Variants in FBXO34 observed in about 807,000 individuals in gnomAD.
The protein encoded by FBXO34 is F-box only protein 34.
A neutral mutation model predicts 24.5 loss-of-function variants in FBXO34; 12 were observed. The observed-to-expected ratio is 0.49, with a 90% CI of 0.31 to 0.79. The LOEUF is 0.79. FBXO34 is among the 30% of genes least tolerant of loss of function. FBXO34 has a pLI of 0.04. For missense variants in FBXO34, 823 were observed against 857.7 expected, an observed-to-expected ratio of 0.96 and a Z score of 0.51; for synonymous variants, 320 against 311.9, an observed-to-expected ratio of 1.03 and a Z score of -0.27.
chr14:55,294,198 T>C (rs912458842), intron 1 of FBXO34, among the ~76,000 whole-genome samples: 1 of 152,166 alleles, frequency 6.6e-6, no homozygotes, highest in Non-Finnish European at 1.5e-5. Context: ...AATTTACTTA[T>C]TATGACTATT....
chr14:55,440,636 G>T, the FBXO34 span: 2 of 1,386,518 alleles, frequency 1.4e-6, no homozygotes, highest in South Asian at 1.5e-5. Context: ...GGCTTGGAGC[G>T]GGATGCGGAA....
downstream of FBXO34, among the ~76,000 whole-genome samples, chr14:55,358,452 C>T (rs1311507718): frequency 6.6e-6 from 1 of 152,202 alleles, no homozygotes; most frequent in Non-Finnish European, 1.5e-5. Context: ...CCAGCATCCT[C>T]CCACCCTCTG....
rs753386438 is a variant in FBXO34, at chr14:55,350,989, A to G, written c.599A>G (p.Tyr200Cys). ...GTGAGTGACAGTGGGGATGGAGTCT[A>G]TGCTGGGAGGCCTCTGTCAGTTATA... Reference protein sequence around the residue: ...HYVSDSGDGVYAGRPLSVIQM... With the variant: ...HYVSDSGDGVCAGRPLSVIQM... The change falls in exon 2 of 2, where the codon TAT becomes TGT. Residue 200 changes from tyrosine to cysteine, a missense_variant. Physicochemically the swap from Tyr to Cys is radical, Grantham distance 194. Around this residue, in one of 2 missense-constraint regions of FBXO34, gnomAD observed 693 missense variants for 659.1 expected, o/e 1.05. Transcript: ENST00000313833. The G allele has an allele frequency of 6.2e-7, 1 of 1,614,200 alleles. No homozygotes were observed. Among genetic ancestry groups the G allele is most frequent in the Non-Finnish European group, 8.5e-7 (1 of 1,180,028 alleles).
At chr14:55,348,554 T>C (rs1051923672) in intron 1 of FBXO34, among the ~76,000 whole-genome samples, 2 of 151,578 alleles carry the variant, frequency 1.3e-5, no homozygotes, top group Non-Finnish European at 2.9e-5. Flanking sequence ...TGTTTTCAGA[T>C]ACCAGTTTTA....
At chr14:55,323,754 C>T (rs1034558972) in intron 1 of FBXO34, among the ~76,000 whole-genome samples, 2 of 152,142 alleles carry the variant, frequency 1.3e-5, no homozygotes, top group South Asian at 4.1e-4. Flanking sequence ...ATTCAAACAT[C>T]TTGCATTTCC....
At chr14:55,398,722 G>A in the FBXO34 span, among the ~76,000 whole-genome samples, 1,060 of 152,132 alleles carry the variant, frequency 7.0e-3, 9 homozygotes, top group African/African-American at 0.024. Context: ...TTGAAATAAC[G>A]TGTATTCTAC....
At chr14:55,272,490 AAG>A (rs1357210032) in intron 1 of FBXO34, among the ~76,000 whole-genome samples, 2 of 151,956 alleles carry the variant, frequency 1.3e-5, no homozygotes, top group African/African-American at 2.4e-5. Context: ...ACTGAAAAAA[AAG>A]AGAACCACTT....
intron 1 of FBXO34, among the ~76,000 whole-genome samples, chr14:55,313,868 G>C (rs1882835757): frequency 6.6e-6 from 1 of 152,106 alleles, no homozygotes; most frequent in South Asian, 2.1e-4. Context: ...ATGAGATTTG[G>C]CTGGGGACAC....
At chr14:55,410,055 A>C in the FBXO34 span, among the ~76,000 whole-genome samples, 1 of 152,192 alleles carries the variant, frequency 6.6e-6, no homozygotes, top group African/African-American at 2.4e-5. Context: ...AGTTGGGTTA[A>C]GAGAGGAGTC....
At chr14:55,301,648 A>G (rs1882360428) in intron 1 of FBXO34, among the ~76,000 whole-genome samples, 2 of 152,258 alleles carry the variant, frequency 1.3e-5, no homozygotes, top group African/African-American at 4.8e-5. Context: ...CTTTTCTATA[A>G]GTATGTCCAT....
chr14:55,339,535 A>G (rs1883920762), intron 1 of FBXO34: 1 of 152,174 alleles, frequency 6.6e-6, no homozygotes, highest in South Asian at 2.1e-4. Flanking sequence ...ATAATACACA[A>G]CAATGAAGAT....
intron 1 of FBXO34, among the ~76,000 whole-genome samples, chr14:55,283,069 G>A (rs1362479118): frequency 6.6e-6 from 1 of 152,128 alleles, no homozygotes; most frequent in Non-Finnish European, 1.5e-5. Flanking sequence ...GGTTTCTCTT[G>A]TTCAGGCTGT....
At chr14:55,385,703 G>A in the FBXO34 span, among the ~76,000 whole-genome samples, 6 of 152,268 alleles carry the variant, frequency 3.9e-5, no homozygotes, top group Admixed American at 2.6e-4. Context: ...AGCTTTCTGC[G>A]GTGCGTACTG....
Position 55,351,027 on chromosome 14 carries a change from T to G in FBXO34, c.637T>G (p.Phe213Val), listed in dbSNP as rs1234794196. The G allele has an allele frequency of 1.2e-6, 2 of 1,614,186 alleles. No individual in the cohort carries two copies. The highest frequency in any genetic ancestry group is 1.1e-5 in the South Asian group (1 of 91,086). ...RPLSVIQMVAFLEQRASALLA... is the reference protein window; with the variant it reads ...RPLSVIQMVAVLEQRASALLA... ...TCTGTCAGTTATACAGATGGTTGCC[T>G]TCTTGGAGCAAAGAGCCAGTGCTCT... Residue 213 changes from phenylalanine (F) to valine (V), a missense_variant, in exon 2 of 2, where the codon TTC becomes GTC. Physicochemically the swap from Phe to Val is conservative, Grantham distance 50. Coordinates refer to ENST00000313833, the MANE Select transcript of FBXO34 (RefSeq NM_017943.4).
chr14:55,305,655 C>T (rs1882517829), intron 1 of FBXO34, among the ~76,000 whole-genome samples: 1 of 149,108 alleles, frequency 6.7e-6, no homozygotes, highest in Non-Finnish European at 1.5e-5. Flanking sequence ...GATCGTGCCA[C>T]TGCACTCCTC....
chr14:55,432,031 C>A, the FBXO34 span, among the ~76,000 whole-genome samples: 1 of 151,884 alleles, frequency 6.6e-6, no homozygotes, highest in Non-Finnish European at 1.5e-5. Flanking sequence ...TGCACAAATG[C>A]CTTAAGGGCA....
At chr14:55,316,436 A>T (rs1013216636) in intron 1 of FBXO34, among the ~76,000 whole-genome samples, 3 of 151,768 alleles carry the variant, frequency 2.0e-5, no homozygotes, top group Non-Finnish European at 4.4e-5. Flanking sequence ...AAATAAAAAA[A>T]AAAAAATTAG....
At chr14:55,329,343 A>C (rs1178749768) in intron 1 of FBXO34, among the ~76,000 whole-genome samples, 2 of 152,130 alleles carry the variant, frequency 1.3e-5, no homozygotes, top group Non-Finnish European at 2.9e-5. Flanking sequence ...GAGATCAGAC[A>C]TCTTTAGAAG....
downstream of FBXO34, among the ~76,000 whole-genome samples, chr14:55,363,207 T>TA (rs200588533): frequency 0.019 from 2,825 of 149,656 alleles, 75 homozygotes; most frequent in African/African-American, 0.066. Flanking sequence ...TTTTTTTTTT[T>TA]AATTTCTAGT....
Sources: gnomAD v4.1 joint callset for allele counts (sites outside exome capture counted in the v4.1 genomes callset) on GRCh38, gnomAD v4.1.1 for gene constraint, gnomAD v4.1.1 regional missense constraint, MANE v1.5 for transcripts, NCBI Gene and HGNC (gene_info 2026-07-23, HGNC 2026-07-21) for gene names.